Variants in OPCML observed in about 807,000 individuals in gnomAD.
OPCML encodes opioid binding protein/cell adhesion molecule like.
A neutral mutation model predicts 37.8 loss-of-function variants in OPCML; 13 were observed. The ratio of observed to expected loss-of-function variants is 0.34; its 90% CI spans 0.22 to 0.55. The LOEUF (loss-of-function observed/expected upper bound fraction) is 0.55, where lower values mean the gene tolerates loss of function less well. OPCML is among the 20% of genes least tolerant of loss of function. The pLI is 0.91. For synonymous variants in OPCML, 176 were observed against 168.8 expected, an observed-to-expected ratio of 1.04 and a Z score of -0.33; for missense variants, 341 against 435.6, an observed-to-expected ratio of 0.78 and a Z score of 1.93.
At chr11:133,386,584 T>G (rs1945059630) in intron 1 of OPCML, among the ~76,000 whole-genome samples, 1 of 152,220 alleles carries the variant, frequency 6.6e-6, no homozygotes, top group South Asian at 2.1e-4. Context: ...CTTGGGTGTT[T>G]CCCATAATTA....
intron 1 of OPCML, among the ~76,000 whole-genome samples, chr11:132,987,605 T>C (rs985300320): frequency 6.6e-6 from 1 of 152,174 alleles, no homozygotes; most frequent in Non-Finnish European, 1.5e-5. Context: ...ATGACTACTC[T>C]AACCACAGTT....
chr11:132,771,256 A>G (rs983072858), intron 2 of OPCML, among the ~76,000 whole-genome samples: 6 of 152,230 alleles, frequency 3.9e-5, no homozygotes, highest in Non-Finnish European at 2.9e-5. Flanking sequence ...TGATATCTAT[A>G]CAATGCATTT....
intron 1 of OPCML, among the ~76,000 whole-genome samples, chr11:132,949,105 A>T (rs541539347): frequency 6.6e-6 from 1 of 152,354 alleles, no homozygotes; most frequent in African/African-American, 2.4e-5. Context: ...TTTCCAGGTC[A>T]GTATTCAGGT....
intron 2 of OPCML, among the ~76,000 whole-genome samples, chr11:132,824,955 T>G (rs562989225): frequency 6.6e-6 from 1 of 152,242 alleles, no homozygotes; most frequent in East Asian, 1.9e-4. Context: ...GGAAGATGCC[T>G]CCTGTCTTTA....
At chr11:133,026,025 A>C (rs928987154) in intron 1 of OPCML, 1 of 983,620 alleles carries the variant, frequency 1.0e-6, no homozygotes, top group Admixed American at 6.2e-5. Context: ...ATGAGCCACC[A>C]CGCCCAGCCT....
intron 1 of OPCML, chr11:133,004,008 C>T (rs149915113): frequency 0.019 from 18,424 of 985,392 alleles, 198 homozygotes; most frequent in Middle Eastern, 0.034. Flanking sequence ...AAGTGGCACA[C>T]GTCTCTCACC....
At chr11:133,006,305 C>T in intron 1 of OPCML, 1 of 528,940 alleles carries the variant, frequency 1.9e-6, no homozygotes, top group African/African-American at 2.1e-5. Flanking sequence ...TCCCTGTTTC[C>T]CTTTTTCTTC....
intron 2 of OPCML, among the ~76,000 whole-genome samples, chr11:132,710,311 T>A (rs1320250152): frequency 2.0e-5 from 3 of 152,172 alleles, no homozygotes; most frequent in Non-Finnish European, 4.4e-5. Flanking sequence ...GTATGTCTAC[T>A]TTAGGGTTTA....
At position 133,340,606 on chromosome 11, in the gene OPCML, C is replaced by CTGTGTG. The variant is rs1329882456; in HGVS notation, c.61+191657_61+191658insCACACA. 1.4e-4 allele frequency among the ~76,000 whole-genome samples: 15 copies of CTGTGTG among 109,352 alleles called. 1 individual carries two copies. The highest frequency in any genetic ancestry group is 3.0e-4 in the South Asian group (1 of 3,360). The allele number at this position is 109,352 out of a possible 152,430, so 71.7% of individuals were successfully genotyped here. A position where few individuals can be genotyped will look rare whatever the true frequency, so the allele number is the denominator to read the frequency against. On this transcript the variant is annotated intron_variant, in intron 1 of 7. Transcript: ENST00000524381. ...ACTCTAGCCCACAAATTAAGACTCT[C>CTGTGTG]TCTGTGTGTGTGTGTGTGTGTGTGT...
chr11:132,734,605 T>A (rs963282496), intron 2 of OPCML, among the ~76,000 whole-genome samples: 6 of 152,204 alleles, frequency 3.9e-5, no homozygotes, highest in Admixed American at 1.3e-4. Context: ...CTGAAACACT[T>A]ATCTAACTTA....
Position 132,663,409 on chromosome 11 carries a change from CAT to C in OPCML, c.147-6092_147-6091del, listed in dbSNP as rs368521718. 2.8e-4 allele frequency among the ~76,000 whole-genome samples: 43 copies of C among 152,360 alleles called. 1 individual carries two copies. The highest frequency in any genetic ancestry group is 9.6e-4 in the African/African-American group (40 of 41,574). On this transcript the variant is annotated intron_variant, in intron 2 of 7. Transcript: ENST00000524381. ...CTTTATCTGTATCTACATAGACACA[CAT>C]AGAGTCCATGGGCTCTTTATGTATA... is the stretch of plus-strand genomic sequence containing the variant.
intron 1 of OPCML, among the ~76,000 whole-genome samples, chr11:133,338,766 T>C (rs1342771318): frequency 6.6e-6 from 1 of 152,118 alleles, no homozygotes; most frequent in East Asian, 1.9e-4. Context: ...TGGAAAGGAG[T>C]GTGTCTGCTA....
At chr11:132,488,022 C>T (rs751832156) in intron 4 of OPCML, among the ~76,000 whole-genome samples, 25 of 152,208 alleles carry the variant, frequency 1.6e-4, no homozygotes, top group Non-Finnish European at 3.5e-4. Flanking sequence ...TCCAGCCTAC[C>T]TTTGCAGCCA....
chr11:133,492,201 G>A (rs1286849947), intron 1 of OPCML, among the ~76,000 whole-genome samples: 1 of 152,124 alleles, frequency 6.6e-6, no homozygotes, highest in Non-Finnish European at 1.5e-5. Flanking sequence ...AGGGGGAGTG[G>A]GGACCATGGA....
At chr11:132,747,348 C>A (rs73601321) in intron 2 of OPCML, among the ~76,000 whole-genome samples, 6,211 of 152,182 alleles carry the variant, frequency 0.041, 247 homozygotes, top group African/African-American at 0.11. Flanking sequence ...TCAGGTGAAG[C>A]ACAGTGACAA....
intron 3 of OPCML, among the ~76,000 whole-genome samples, chr11:132,619,536 A>G (rs780000626): frequency 2.0e-5 from 3 of 151,480 alleles, no homozygotes; most frequent in Admixed American, 1.3e-4. Flanking sequence ...GCATGAAAGC[A>G]TTGGTAAAAT....
intron 2 of OPCML, among the ~76,000 whole-genome samples, chr11:132,698,963 C>T (rs1180490465): frequency 6.6e-6 from 1 of 152,096 alleles, no homozygotes; most frequent in Non-Finnish European, 1.5e-5. Flanking sequence ...GTATTGCAGA[C>T]ATTTTAACAA....
chr11:132,539,531 C>CTGATGA (rs1374521818), intron 3 of OPCML, among the ~76,000 whole-genome samples: 2 of 150,706 alleles, frequency 1.3e-5, no homozygotes, highest in Admixed American at 6.6e-5. Context: ...GCTGCTGCTG[C>CTGATGA]TGATGATGAT....
intron 1 of OPCML, among the ~76,000 whole-genome samples, chr11:133,093,259 G>A (rs1948941754): frequency 6.8e-6 from 1 of 147,606 alleles, no homozygotes; most frequent in African/African-American, 2.5e-5. Context: ...CAAATCCAAT[G>A]TATCGTTCTT....
Sources: allele counts gnomAD v4.1 joint callset (sites outside exome capture counted in the v4.1 genomes callset), GRCh38; gene constraint gnomAD v4.1.1; transcripts MANE v1.5; gene names NCBI Gene and HGNC (gene_info 2026-07-23, HGNC 2026-07-21).